Variants in ROBO2 observed in about 807,000 individuals in gnomAD.
The protein encoded by ROBO2 is roundabout guidance receptor 2.
ROBO2 carries 53 observed loss-of-function variants against 160.8 expected under a neutral mutation model. The observed-to-expected ratio is 0.33, with a 90% CI of 0.26 to 0.41. The LOEUF is 0.41. ROBO2 is among the 10% of genes least tolerant of loss of function. The pLI is 1.00. For missense variants in ROBO2, 1,577 were observed against 1,722.4 expected (o/e 0.92, Z 1.49); for synonymous variants, 664 against 611.7 (o/e 1.09, Z -1.26).
At chr3:76,108,167 G>A (rs1053564456) in intron 2 of ROBO2, among the ~76,000 whole-genome samples, 13 of 152,036 alleles carry the variant, frequency 8.6e-5, no homozygotes, top group Middle Eastern at 3.4e-3. Flanking sequence ...GGTTGTGTTC[G>A]GAACTGCGAT....
chr3:76,764,705 C>T (rs1218182845), intron 2 of ROBO2, among the ~76,000 whole-genome samples: 2 of 151,484 alleles, frequency 1.3e-5, no homozygotes, highest in African/African-American at 4.8e-5. Context: ...GTCTGGCCAC[C>T]TGTCTATCAA....
intron 16 of ROBO2, among the ~76,000 whole-genome samples, chr3:77,586,074 T>C (rs532797601): frequency 6.6e-6 from 1 of 152,206 alleles, no homozygotes; most frequent in East Asian, 1.9e-4. Flanking sequence ...AATTAAAACA[T>C]TGTAAAAATG....
At chr3:77,571,099 G>A (rs983271743) in intron 13 of ROBO2, among the ~76,000 whole-genome samples, 1 of 151,928 alleles carries the variant, frequency 6.6e-6, no homozygotes, top group Non-Finnish European at 1.5e-5. Flanking sequence ...TTTTGTTCAA[G>A]GACAAAAAGA....
intron 2 of ROBO2, among the ~76,000 whole-genome samples, chr3:77,165,511 T>G (rs2078993820): frequency 6.7e-6 from 1 of 149,540 alleles, no homozygotes; most frequent in African/African-American, 2.5e-5. Context: ...TATTGTCCCA[T>G]GACCCTGCCA....
At chr3:76,711,538 G>A (rs2093293994) in intron 2 of ROBO2, among the ~76,000 whole-genome samples, 1 of 152,172 alleles carries the variant, frequency 6.6e-6, no homozygotes, top group African/African-American at 2.4e-5. Flanking sequence ...TCACTAGCTG[G>A]AAATAGAAAT....
intron 2 of ROBO2, among the ~76,000 whole-genome samples, chr3:76,875,192 A>G (rs1379287111): frequency 7.2e-5 from 11 of 152,076 alleles, no homozygotes; most frequent in Non-Finnish European, 1.5e-5. Flanking sequence ...CTTCAGGAGG[A>G]TGCGGCAACG....
chr3:77,449,267 C>A (rs1302744420), intron 2 of ROBO2, among the ~76,000 whole-genome samples: 2 of 151,948 alleles, frequency 1.3e-5, no homozygotes, highest in African/African-American at 2.4e-5. Context: ...AGCAAATGGT[C>A]ATTCGGGTCA....
At chr3:77,078,788 C>T (rs927568315) in intron 1 of ROBO2, among the ~76,000 whole-genome samples, 3 of 152,112 alleles carry the variant, frequency 2.0e-5, no homozygotes, top group African/African-American at 4.8e-5. Context: ...TCCCACACCC[C>T]GCAACTCACC....
intron 2 of ROBO2, among the ~76,000 whole-genome samples, chr3:76,114,096 C>T (rs2070359621): frequency 6.6e-6 from 1 of 152,186 alleles, no homozygotes; most frequent in Non-Finnish European, 1.5e-5. Context: ...ATTATCTAGT[C>T]TCAGGCATTC....
exon 1 of ROBO2, chr3:77,040,026 C>G (rs1403196516): frequency 2.3e-6 from 2 of 866,186 alleles, no homozygotes; most frequent in African/African-American, 3.7e-5. Context: ...GCGGGGGTGT[C>G]TGCAGCCTCG....
intron 2 of ROBO2, among the ~76,000 whole-genome samples, chr3:76,300,624 G>A (rs1709306764): frequency 6.7e-6 from 1 of 149,668 alleles, no homozygotes; most frequent in African/African-American, 2.5e-5. Context: ...ATGCACATAT[G>A]CATATATATA....
chr3:76,974,822 G>T (rs1231467186), intron 2 of ROBO2, among the ~76,000 whole-genome samples: 3 of 152,150 alleles, frequency 2.0e-5, no homozygotes, highest in Admixed American at 2.0e-4. Context: ...GGATAGTAAT[G>T]GTTTATTTCA....
chr3:77,398,019 G>A (rs4493408), intron 2 of ROBO2, among the ~76,000 whole-genome samples: 98,776 of 151,930 alleles, frequency 0.65, 33,634 homozygotes, highest in African/African-American at 0.86. Context: ...ATTGTTTTCT[G>A]AACATGAGGA....
chr3:76,876,544 G>A (rs1388116185), intron 2 of ROBO2, among the ~76,000 whole-genome samples: 5 of 152,054 alleles, frequency 3.3e-5, no homozygotes, highest in Non-Finnish European at 5.9e-5. Flanking sequence ...GCATGGTGGT[G>A]CATGCCTTTA....
At chr3:77,197,311 T>A (rs953102343) in intron 2 of ROBO2, among the ~76,000 whole-genome samples, 4 of 152,184 alleles carry the variant, frequency 2.6e-5, no homozygotes, top group Admixed American at 2.6e-4. Context: ...GAAAGCTTCA[T>A]TAATGAGCAA....
chr3:76,904,709 T>C lies in ROBO2; in HGVS notation c.110-193305T>C, dbSNP rs113185302. Among the ~76,000 whole-genome samples the C allele has an allele frequency of 3.6e-3, 553 of 152,284 alleles. 4 individuals carry two copies. The highest frequency in any genetic ancestry group is 0.032 in the South Asian group (153 of 4,832). On this transcript the variant is annotated intron_variant, in intron 2 of 26. Coordinates refer to the ROBO2 transcript ENST00000487694. ...CTAAGGAGACATCTTAGTTTGGTCC[T>C]GAATCCCTGCTCTGCCTAATCTTCT...
At chr3:77,206,655 A>G (rs1415105437) in intron 2 of ROBO2, among the ~76,000 whole-genome samples, 3 of 152,086 alleles carry the variant, frequency 2.0e-5, no homozygotes, top group Non-Finnish European at 4.4e-5. Flanking sequence ...GATAATATAT[A>G]TTTTTAAAAT....
At chr3:76,561,596 T>C (rs183765128) in intron 2 of ROBO2, among the ~76,000 whole-genome samples, 1 of 152,252 alleles carries the variant, frequency 6.6e-6, no homozygotes, top group African/African-American at 2.4e-5. Flanking sequence ...AAGGCAAAGA[T>C]AGAACAAGGA....
intron 2 of ROBO2, among the ~76,000 whole-genome samples, chr3:76,222,900 A>G (rs34323033): frequency 0.016 from 2,450 of 151,840 alleles, 74 homozygotes; most frequent in African/African-American, 0.056. Context: ...GACTGCAGGC[A>G]CCTGCCACCA....
Sources: allele counts gnomAD v4.1 joint callset (sites outside exome capture counted in the v4.1 genomes callset), GRCh38; gene constraint gnomAD v4.1.1; transcripts MANE v1.5; gene names NCBI Gene and HGNC (gene_info 2026-07-23, HGNC 2026-07-21).